Variants in CHN2 observed in about 807,000 individuals in gnomAD.
CHN2 encodes the protein chimerin 2, also known as beta-chimaerin.
Under a neutral mutation model 56.3 loss-of-function variants are expected in CHN2, and 35 were observed. The ratio of observed to expected loss-of-function variants is 0.62; its 90% CI spans 0.47 to 0.82. CHN2 has a LOEUF of 0.82. CHN2 is among the 40% of genes least tolerant of loss of function. The pLI is 0.00. For missense variants in CHN2, 491 were observed against 580.5 expected (o/e 0.85, Z 1.58); for synonymous variants, 210 against 212.8 (o/e 0.99, Z 0.12).
chr7:29,348,515 G>A lies in CHN2; in HGVS notation c.50-6110G>A, dbSNP rs191527454. Among the ~76,000 whole-genome samples the A allele has an allele frequency of 5.3e-4, 81 of 152,110 alleles. 1 individual carries two copies. In the East Asian group the frequency reaches 0.013, roughly 25 times the overall value. On this transcript the variant is annotated intron_variant, in intron 1 of 12. Transcript: ENST00000222792. ...CTCCTTCCCCATCCTTTCATGAGAG[G>A]AGACACCTGTTTCCCAGCCTGCTTA...
intron 1 of CHN2, chr7:29,212,175 ACTT>A: frequency 1.7e-6 from 1 of 595,832 alleles, no homozygotes; most frequent in Non-Finnish European, 3.0e-6. Flanking sequence ...CTTCATCCCA[ACTT>A]CTTGATACTT....
At chr7:29,342,181 T>G (rs946699864) in intron 1 of CHN2, among the ~76,000 whole-genome samples, 1 of 152,170 alleles carries the variant, frequency 6.6e-6, no homozygotes, top group African/African-American at 2.4e-5. Context: ...GCTGAAAGAA[T>G]GAATGGGTAG....
chr7:29,463,429 C>T (rs1785319119), intron 6 of CHN2, among the ~76,000 whole-genome samples: 1 of 151,928 alleles, frequency 6.6e-6, no homozygotes, highest in South Asian at 2.1e-4. Context: ...CACCATGCTT[C>T]CACCCACCCC....
intron 1 of CHN2, among the ~76,000 whole-genome samples, chr7:29,223,465 T>C (rs1249968292): frequency 6.6e-6 from 1 of 152,196 alleles, no homozygotes; most frequent in Non-Finnish European, 1.5e-5. Context: ...TTCATAGCTG[T>C]AAATTAATTT....
At chr7:29,212,844 A>G (rs1785058092) in intron 1 of CHN2, 1 of 1,608,790 alleles carries the variant, frequency 6.2e-7, no homozygotes. Context: ...TCTTCCTACC[A>G]CCAGGGATGA....
At chr7:29,460,411 A>G (rs1585473293) in intron 6 of CHN2, among the ~76,000 whole-genome samples, 2 of 151,822 alleles carry the variant, frequency 1.3e-5, no homozygotes, top group Non-Finnish European at 2.9e-5. Flanking sequence ...CCTATGTATT[A>G]TCTGGCTTAG....
intron 1 of CHN2, among the ~76,000 whole-genome samples, chr7:29,334,049 C>CT (rs70980529): frequency 0.043 from 5,286 of 123,090 alleles, 335 homozygotes; most frequent in African/African-American, 0.13. Context: ...AATTTCTTTT[C>CT]TTTTTTTTTT....
chr7:29,411,304 T>A (rs902460739), intron 6 of CHN2, among the ~76,000 whole-genome samples: 1 of 152,202 alleles, frequency 6.6e-6, no homozygotes, highest in African/African-American at 2.4e-5. Flanking sequence ...AACACAATTT[T>A]AGCAGAGCCT....
At chr7:29,451,569 T>G (rs1303504220) in intron 6 of CHN2, among the ~76,000 whole-genome samples, 1 of 150,336 alleles carries the variant, frequency 6.7e-6, no homozygotes, top group East Asian at 1.9e-4. Flanking sequence ...AATTACAAAT[T>G]TATTAATTAA....
At chr7:29,432,967 C>T (rs918704662) in intron 6 of CHN2, among the ~76,000 whole-genome samples, 3 of 152,160 alleles carry the variant, frequency 2.0e-5, no homozygotes, top group Admixed American at 2.0e-4. Flanking sequence ...TCTGTAACTC[C>T]TAGTGTATAA....
chr7:29,239,234 C>A (rs1026642426), intron 1 of CHN2, among the ~76,000 whole-genome samples: 2 of 152,058 alleles, frequency 1.3e-5, no homozygotes, highest in African/African-American at 4.8e-5. Flanking sequence ...AGAGCTAGAA[C>A]AGGATTTGCT....
intron 7 of CHN2, among the ~76,000 whole-genome samples, chr7:29,491,074 TTA>T (rs1373173493): frequency 6.6e-6 from 1 of 152,172 alleles, no homozygotes; most frequent in African/African-American, 2.4e-5. Flanking sequence ...AAGCTCAAAA[TTA>T]TATACTTCTG....
chr7:29,334,978 A>C (rs1796506941), intron 1 of CHN2, among the ~76,000 whole-genome samples: 1 of 152,218 alleles, frequency 6.6e-6, no homozygotes, highest in African/African-American at 2.4e-5. Context: ...TTCATTTCCT[A>C]AGTGTTGAGA....
At chr7:29,210,242 TC>T (rs1562832692) in intron 1 of CHN2, among the ~76,000 whole-genome samples, 1 of 152,188 alleles carries the variant, frequency 6.6e-6, no homozygotes, top group Non-Finnish European at 1.5e-5. Flanking sequence ...CATCATTTGT[TC>T]CAGGCACCCA....
At chr7:29,448,213 A>G (rs1227665335) in intron 6 of CHN2, among the ~76,000 whole-genome samples, 1 of 151,930 alleles carries the variant, frequency 6.6e-6, no homozygotes, top group African/African-American at 2.4e-5. Flanking sequence ...TTATTTTATT[A>G]AAGAATGGGA....
intron 6 of CHN2, among the ~76,000 whole-genome samples, chr7:29,419,170 T>G (rs1214326476): frequency 1.3e-5 from 2 of 152,212 alleles, no homozygotes; most frequent in Non-Finnish European, 2.9e-5. Flanking sequence ...CTTTGTTTAA[T>G]TGTTAGTTAG....
chr7:29,501,094 T>C (rs920665376), intron 9 of CHN2, among the ~76,000 whole-genome samples: 13 of 127,288 alleles, frequency 1.0e-4, no homozygotes, highest in Admixed American at 9.3e-4. Context: ...ATTTTATACA[T>C]ATATATTCAT....
chr7:29,216,403 G>A (rs1785348108), intron 1 of CHN2, among the ~76,000 whole-genome samples: 1 of 152,168 alleles, frequency 6.6e-6, no homozygotes. Context: ...TTCCTAATGG[G>A]CAAGTGTGCC....
At chr7:29,427,694 G>A (rs1405647885) in intron 6 of CHN2, among the ~76,000 whole-genome samples, 1 of 120,698 alleles carries the variant, frequency 8.3e-6, no homozygotes, top group African/African-American at 3.3e-5. Flanking sequence ...GTCTCACTCT[G>A]TTGCCAGGCT....
Sources: gnomAD v4.1 joint callset for allele counts (sites outside exome capture counted in the v4.1 genomes callset) on GRCh38, gnomAD v4.1.1 for gene constraint, MANE v1.5 for transcripts, NCBI Gene and HGNC (gene_info 2026-07-23, HGNC 2026-07-21) for gene names.